The following FBXL13 variants were observed in gnomAD, a reference collection of about 807,000 sequenced individuals.
FBXL13 encodes the protein F-box and leucine-rich repeat protein 13.
A neutral mutation model predicts 83.6 loss-of-function variants in FBXL13; 67 were observed. The observed-to-expected ratio is 0.80, with a 90% CI of 0.66 to 0.98. The LOEUF (loss-of-function observed/expected upper bound fraction) is 0.98. Ranked by LOEUF, FBXL13 falls within the 50% of genes least tolerant of loss-of-function variation. The pLI, the probability that FBXL13 is intolerant of heterozygous loss-of-function variation, is 0.00. For missense variants in FBXL13, 822 were observed against 866.5 expected (o/e 0.95, Z 0.64); for synonymous variants, 272 against 299.5 (o/e 0.91, Z 0.95).
intron 2 of FBXL13, 60 bp from the exon 4 acceptor site, chr7:103,029,478 C>T: frequency 2.1e-6 from 2 of 946,268 alleles, no homozygotes; most frequent in Non-Finnish European, 3.0e-6. Context: ...GCACAGACTA[C>T]CTCTGCAAGA....
chr7:102,911,342 A>C (rs932891778), intron 11 of FBXL13, among the ~76,000 whole-genome samples: 3 of 152,228 alleles, frequency 2.0e-5, no homozygotes, highest in Non-Finnish European at 4.4e-5. Flanking sequence ...AAGAAGAAGG[A>C]GGTAAGTCAT....
intron 6 of FBXL13, among the ~76,000 whole-genome samples, chr7:103,012,696 A>G (rs1428503200): frequency 6.6e-6 from 1 of 151,862 alleles, no homozygotes; most frequent in Non-Finnish European, 1.5e-5. Context: ...CAGCCACTAT[A>G]AAAAAACACT....
chr7:102,883,653 C>T (rs145751033), exon 13 of FBXL13: 7 of 1,609,282 alleles, frequency 4.3e-6, no homozygotes, highest in African/African-American at 1.3e-5. Flanking sequence ...TGAAAACCAG[C>T]GATGTAATAC....
At chr7:103,028,894 G>T in intron 3 of FBXL13, 146 bp from the exon 5 acceptor site, 1 of 546,458 alleles carries the variant, frequency 1.8e-6, no homozygotes, top group Non-Finnish European at 2.9e-6. Context: ...ACTTGGGTAT[G>T]ACCTGAAGAA....
chr7:102,937,046 C>A (rs78533620), intron 8 of FBXL13, among the ~76,000 whole-genome samples: 2 of 152,068 alleles, frequency 1.3e-5, no homozygotes, highest in African/African-American at 4.8e-5. Context: ...AAATTCATAC[C>A]CCCTGCTTTA....
At chr7:102,834,405 T>TTA (rs1028276155) in intron 17 of FBXL13, among the ~76,000 whole-genome samples, 3 of 146,412 alleles carry the variant, frequency 2.0e-5, no homozygotes, top group Non-Finnish European at 4.5e-5. Context: ...TTATATGCGA[T>TTA]TATATATATA....
chr7:103,027,584 T>C (rs1438191821), intron 4 of FBXL13, 26 bp from the exon 6 acceptor site: 3 of 1,422,612 alleles, frequency 2.1e-6, no homozygotes, highest in Admixed American at 1.8e-5. Flanking sequence ...TAGATTACTG[T>C]ATATATTAAT....
chr7:102,865,300 G>A (rs1214913857), intron 16 of FBXL13, among the ~76,000 whole-genome samples: 1 of 152,142 alleles, frequency 6.6e-6, no homozygotes, highest in Non-Finnish European at 1.5e-5. Flanking sequence ...ATTGCATACT[G>A]CATTCTTTCA....
intron 11 of FBXL13, among the ~76,000 whole-genome samples, chr7:102,895,497 C>T (rs553237203): frequency 1.0e-3 from 159 of 152,346 alleles, no homozygotes; most frequent in African/African-American, 3.6e-3. Flanking sequence ...TCCAACTCCA[C>T]ATTCAGAGTT....
intron 16 of FBXL13, among the ~76,000 whole-genome samples, chr7:102,860,277 C>T (rs1425394840): frequency 6.6e-6 from 1 of 152,146 alleles, no homozygotes; most frequent in Non-Finnish European, 1.5e-5. Flanking sequence ...TTCAAGAGAG[C>T]TATAGGGACC....
intron 1 of FBXL13, among the ~76,000 whole-genome samples, chr7:103,070,688 C>T (rs748619489): frequency 6.6e-6 from 1 of 152,176 alleles, no homozygotes; most frequent in Non-Finnish European, 1.5e-5. Flanking sequence ...CCTCAGGAAG[C>T]TTTTACTCAC....
chr7:103,003,298 T>TG (rs1298305743), intron 6 of FBXL13, among the ~76,000 whole-genome samples: 15 of 136,544 alleles, frequency 1.1e-4, no homozygotes, highest in African/African-American at 3.8e-4. Context: ...TTTTTTTTTT[T>TG]TTTTTTTGAG....
intron 8 of FBXL13, among the ~76,000 whole-genome samples, chr7:102,957,245 T>C (rs1824419055): frequency 6.6e-6 from 1 of 152,070 alleles, no homozygotes. Context: ...TCTACAACCA[T>C]CTGATCTTTG....
intron 18 of FBXL13, among the ~76,000 whole-genome samples, chr7:102,832,450 T>C (rs1800873579): frequency 6.6e-6 from 1 of 152,236 alleles, no homozygotes; most frequent in African/African-American, 2.4e-5. Flanking sequence ...CCCAAGGTTA[T>C]GGATTTAATA....
intron 17 of FBXL13, among the ~76,000 whole-genome samples, chr7:102,848,287 T>C (rs1804440262): frequency 1.8e-5 from 2 of 112,942 alleles, no homozygotes; most frequent in African/African-American, 4.9e-5. Context: ...CCGGGCGCGG[T>C]GGCTCACGCC....
At chr7:102,967,055 C>A (rs1826042045) in intron 7 of FBXL13, among the ~76,000 whole-genome samples, 1 of 152,036 alleles carries the variant, frequency 6.6e-6, no homozygotes. Flanking sequence ...TTGCAACCTC[C>A]ACCTCCCGGG....
chr7:102,919,423 A>G (rs1292569078), intron 10 of FBXL13, among the ~76,000 whole-genome samples: 1 of 152,258 alleles, frequency 6.6e-6, no homozygotes, highest in Non-Finnish European at 1.5e-5. Context: ...GCATTGAAGC[A>G]TTAAGAATAA....
chr7:102,941,707 G>C (rs1821477571), intron 8 of FBXL13, among the ~76,000 whole-genome samples: 1 of 150,266 alleles, frequency 6.7e-6, no homozygotes. Context: ...CAAAACTGTA[G>C]TTTACCAACT....
intron 6 of FBXL13, among the ~76,000 whole-genome samples, chr7:103,018,015 A>C (rs1792590653): frequency 6.6e-6 from 1 of 152,172 alleles, no homozygotes; most frequent in African/African-American, 2.4e-5. Context: ...TCCAAGACAC[A>C]TAATTGTCAG....
Sources: gnomAD v4.1 joint callset for allele counts (sites outside exome capture counted in the v4.1 genomes callset) on GRCh38, gnomAD v4.1.1 for gene constraint, MANE v1.5 for transcripts, NCBI Gene and HGNC (gene_info 2026-07-23, HGNC 2026-07-21) for gene names.